ARHGAP21: variants seen among roughly 807,000 people sequenced by gnomAD.
ARHGAP21 encodes the protein Rho GTPase activating protein 21.
Under a neutral mutation model 164.6 loss-of-function variants are expected in ARHGAP21, and 38 were observed. The observed-to-expected ratio is 0.23, with a 90% confidence interval of 0.18 to 0.30. The LOEUF is 0.30. Ranked by LOEUF, ARHGAP21 falls within the 10% of genes least tolerant of loss-of-function variation. The pLI, the probability that ARHGAP21 is intolerant of heterozygous loss-of-function variation, is 1.00. For synonymous variants in ARHGAP21, 766 were observed against 857.9 expected (o/e 0.89, Z 1.87); for missense variants, 1,822 against 2,370.7 (o/e 0.77, Z 4.81).
chr10:24,713,645 T>C (rs1256049604), intron 2 of ARHGAP21, among the ~76,000 whole-genome samples: 1 of 151,668 alleles, frequency 6.6e-6, no homozygotes, highest in Admixed American at 6.6e-5. Context: ...TTTCTTTTTT[T>C]TTTTTTTTAA....
chr10:24,707,529 T>C (rs1844359069), intron 2 of ARHGAP21, among the ~76,000 whole-genome samples: 1 of 152,198 alleles, frequency 6.6e-6, no homozygotes, highest in South Asian at 2.1e-4. Flanking sequence ...GCTCCAAATC[T>C]GCGTGACTAA....
chr10:24,701,541 C>A (rs1190525988), intron 2 of ARHGAP21, among the ~76,000 whole-genome samples: 1 of 152,074 alleles, frequency 6.6e-6, no homozygotes, highest in Non-Finnish European at 1.5e-5. Flanking sequence ...AGCAAAGCAG[C>A]AGGCTATGCA....
In ARHGAP21 at chr10:24,584,425, T is replaced by G. The variant is rs764020990; in HGVS notation, c.5864A>C (p.His1955Pro). 2 of 1,607,264 alleles carry G rather than the reference T, an allele frequency of 1.2e-6. No homozygotes were observed. The highest frequency in any genetic ancestry group is 2.7e-5 in the African/African-American group (2 of 74,664). The change falls in exon 26 of 26, where the codon CAT (histidine) becomes CCT (proline). Residue 1955 changes from histidine to proline, a missense_variant. Coordinates refer to ENST00000396432, the MANE Select transcript of ARHGAP21 (RefSeq NM_020824.4). The stretch of plus-strand genomic sequence containing the variant: ...CATACCCCCAGTTTAAAGACAGGGA[T>G]GAAACTCTGCTTTACTGCCTGGGGT... ...SETPGSKAEF[H>P]PCL
chr10:24,687,195 C>G (rs991482534), intron 2 of ARHGAP21, among the ~76,000 whole-genome samples: 2 of 152,142 alleles, frequency 1.3e-5, no homozygotes, highest in African/African-American at 2.4e-5. Context: ...TTCCCAGGCC[C>G]TCTACTGTAG....
At chr10:24,692,632 G>A (rs1446549221) in intron 2 of ARHGAP21, among the ~76,000 whole-genome samples, 1 of 152,126 alleles carries the variant, frequency 6.6e-6, no homozygotes, top group African/African-American at 2.4e-5. Flanking sequence ...AGGAGTTTGA[G>A]ACCAGCCTGG....
chr10:24,722,276 G>A lies in ARHGAP21; in HGVS notation c.-377C>T, dbSNP rs1185639522. 1 of 234,128 alleles carries A rather than the reference G, an allele frequency of 4.3e-6. No individual in the cohort carries two copies. The highest frequency in any genetic ancestry group is 8.7e-6 in the Non-Finnish European group (1 of 115,580). The allele number at this position is 234,128 out of a possible 1,614,324, so 14.5% of individuals were successfully genotyped here. On this transcript the variant is annotated 5_prime_UTR_variant, in exon 2 of 26. Transcript: ENST00000396432. ...AGGTTCGAGTGTCAGCTCCTAGAGA[G>A]ATCCTAGGAAAACGAGAAGTTAAAG...
chr10:24,630,630 T>G (rs1835762129), intron 6 of ARHGAP21, among the ~76,000 whole-genome samples: 1 of 152,176 alleles, frequency 6.6e-6, no homozygotes, highest in South Asian at 2.1e-4. Context: ...TAGCTGGGAC[T>G]ACAGGGCATG....
chr10:24,630,167 T>C, intron 6 of ARHGAP21, 117 bp from the exon 7 acceptor site: 1 of 511,054 alleles, frequency 2.0e-6, no homozygotes, highest in Non-Finnish European at 3.3e-6. Context: ...ATTCTGGTTT[T>C]CTTATATCTT....
chr10:24,667,144 T>G (rs185878942), intron 3 of ARHGAP21, 135 bp from the exon 4 acceptor site: 86 of 473,424 alleles, frequency 1.8e-4, no homozygotes, highest in African/African-American at 1.7e-3. Context: ...ATATTCTTAA[T>G]GATCACATTC....
At chr10:24,702,493 A>G (rs1301159923) in intron 2 of ARHGAP21, among the ~76,000 whole-genome samples, 7 of 152,070 alleles carry the variant, frequency 4.6e-5, no homozygotes, top group African/African-American at 1.7e-4. Flanking sequence ...ACTTTTTAAA[A>G]TTCACTCATC....
chr10:24,656,522 G>A (rs1366704173), intron 4 of ARHGAP21, among the ~76,000 whole-genome samples: 1 of 91,292 alleles, frequency 1.1e-5, no homozygotes, highest in African/African-American at 4.7e-5. Flanking sequence ...GAGGTTGGGG[G>A]GTCAGCCCCC....
At chr10:24,679,106 A>G (rs1841534205) in intron 2 of ARHGAP21, among the ~76,000 whole-genome samples, 1 of 152,212 alleles carries the variant, frequency 6.6e-6, no homozygotes, top group African/African-American at 2.4e-5. Context: ...CACAATTTAC[A>G]TTTCCCTGGA....
chr10:24,652,243 A>G (rs572438699), intron 4 of ARHGAP21, among the ~76,000 whole-genome samples: 1 of 152,378 alleles, frequency 6.6e-6, no homozygotes, highest in South Asian at 2.1e-4. Flanking sequence ...AGAGCTCTAG[A>G]GAAAGTATGG....
intron 4 of ARHGAP21, among the ~76,000 whole-genome samples, chr10:24,643,276 T>A (rs1316523018): frequency 1.3e-5 from 2 of 152,244 alleles, no homozygotes; most frequent in African/African-American, 2.4e-5. Context: ...ACATTTCACA[T>A]GTAACATTTC....
At chr10:24,684,480 T>C (rs1842042172) in intron 2 of ARHGAP21, among the ~76,000 whole-genome samples, 1 of 152,156 alleles carries the variant, frequency 6.6e-6, no homozygotes, top group Non-Finnish European at 1.5e-5. Flanking sequence ...CTCAGAGAAA[T>C]GCGTACTTCA....
chr10:24,645,768 T>G (rs1837509285), intron 4 of ARHGAP21, among the ~76,000 whole-genome samples: 1 of 152,000 alleles, frequency 6.6e-6, no homozygotes, highest in Non-Finnish European at 1.5e-5. Flanking sequence ...CTTTAAGAGA[T>G]AAAGAAAATA....
intron 2 of ARHGAP21, among the ~76,000 whole-genome samples, chr10:24,710,018 G>A (rs1039686891): frequency 7.9e-5 from 12 of 152,184 alleles, no homozygotes; most frequent in Non-Finnish European, 1.5e-4. Context: ...ATAATGTAAT[G>A]TAGATGGTAT....
chr10:24,661,491 A>G (rs1031942727), intron 4 of ARHGAP21, among the ~76,000 whole-genome samples: 1 of 152,224 alleles, frequency 6.6e-6, no homozygotes, highest in Non-Finnish European at 1.5e-5. Flanking sequence ...CTAAACTGCC[A>G]AAAGGAAAGA....
At chr10:24,619,388 A>G (rs951195900) in intron 9 of ARHGAP21, 85 bp downstream of exon 9, 6 of 1,309,764 alleles carry the variant, frequency 4.6e-6, no homozygotes, top group African/African-American at 1.5e-5. Flanking sequence ...TAAGACTTCT[A>G]TGCCTATTGA....
Sources: allele counts gnomAD v4.1 joint callset (sites outside exome capture counted in the v4.1 genomes callset), GRCh38; gene constraint gnomAD v4.1.1; transcripts MANE v1.5; gene names NCBI Gene and HGNC (gene_info 2026-07-23, HGNC 2026-07-21).